Variants in ALKBH1 observed in about 807,000 individuals in gnomAD.
ALKBH1 encodes the protein nucleic acid dioxygenase ALKBH1.
A neutral mutation model predicts 36.6 loss-of-function variants in ALKBH1; 31 were observed. That is an observed-to-expected ratio of 0.85 (90% CI 0.64 to 1.14). ALKBH1 has a LOEUF of 1.14. Among genes scored for constraint, ALKBH1 ranks in the 50% most tolerant of loss-of-function variants. The pLI is 0.00. For missense variants in ALKBH1, 490 were observed against 497.3 expected, an observed-to-expected ratio of 0.99 and a Z score of 0.14; for synonymous variants, 183 against 186.6, an observed-to-expected ratio of 0.98 and a Z score of 0.16.
intron 1 of ALKBH1, among the ~76,000 whole-genome samples, chr14:77,704,817 T>C (rs1446047851): frequency 2.6e-5 from 4 of 152,226 alleles, no homozygotes; most frequent in African/African-American, 9.6e-5. Flanking sequence ...AGTCATTTAA[T>C]GTCTTAGAGC....
chr14:77,702,455 C>G (rs17106214), intron 2 of ALKBH1, among the ~76,000 whole-genome samples: 2,062 of 152,162 alleles, frequency 0.014, 58 homozygotes, highest in African/African-American at 0.047. Flanking sequence ...ACAAGTATTT[C>G]GGTGGTCATA....
chr14:77,703,701 G>A (rs1189761260), intron 2 of ALKBH1, among the ~76,000 whole-genome samples: 1 of 148,198 alleles, frequency 6.7e-6, no homozygotes, highest in African/African-American at 2.5e-5. Flanking sequence ...GGGTTCAAGC[G>A]ATTCTCCTGT....
intron 2 of ALKBH1, among the ~76,000 whole-genome samples, chr14:77,696,404 G>C (rs1394302713): frequency 6.6e-6 from 1 of 152,162 alleles, no homozygotes; most frequent in African/African-American, 2.4e-5. Context: ...TGGCCAGGCT[G>C]GTCTGTACTA....
At chr14:77,690,506 A>T (rs1001826317) in intron 3 of ALKBH1, among the ~76,000 whole-genome samples, 2 of 152,170 alleles carry the variant, frequency 1.3e-5, no homozygotes, top group Non-Finnish European at 2.9e-5. Flanking sequence ...TTGTGCTATG[A>T]AGGGAGGCTG....
intron 5 of ALKBH1, among the ~76,000 whole-genome samples, chr14:77,674,960 G>A (rs4622441): frequency 0.91 from 137,951 of 152,168 alleles, 62,981 homozygotes; most frequent in Non-Finnish European, 0.97. Context: ...TTCCCGAGAT[G>A]CAGGTGCAAA....
intron 3 of ALKBH1, among the ~76,000 whole-genome samples, chr14:77,680,326 T>C: frequency 6.6e-6 from 1 of 152,188 alleles, no homozygotes; most frequent in East Asian, 1.9e-4. Context: ...CAATCAAAAA[T>C]TTGACTTACA....
chr14:77,682,853 C>T (rs906326348), intron 3 of ALKBH1, among the ~76,000 whole-genome samples: 2 of 152,076 alleles, frequency 1.3e-5, no homozygotes, highest in African/African-American at 4.8e-5. Context: ...TGCACCACCA[C>T]GCCTGGCTAA....
chr14:77,681,621 A>C (rs546959303), intron 3 of ALKBH1, among the ~76,000 whole-genome samples: 2 of 152,224 alleles, frequency 1.3e-5, no homozygotes, highest in Non-Finnish European at 2.9e-5. Flanking sequence ...TGCAGAAGAG[A>C]CATAGCAGAC....
At chr14:77,698,133 A>G (rs548606892) in intron 2 of ALKBH1, among the ~76,000 whole-genome samples, 2 of 152,374 alleles carry the variant, frequency 1.3e-5, no homozygotes, top group East Asian at 1.9e-4. Flanking sequence ...GCTTAGGCAT[A>G]GTCACAGAAA....
At chr14:77,680,677 C>CTCTCTTTTTTTTTTTT (rs774703181) in intron 3 of ALKBH1, among the ~76,000 whole-genome samples, 1 of 124,348 alleles carries the variant, frequency 8.0e-6, no homozygotes, top group Non-Finnish European at 1.7e-5. Flanking sequence ...ATTAACTACT[C>CTCTCTTTTTTTTTTTT]TTTTTTTTTT....
Position 77,682,529 on chromosome 14 carries a change from G to C in ALKBH1, c.456-2559C>G, listed in dbSNP as rs560436827. Among the ~76,000 whole-genome samples, 33 of 152,158 alleles carry C rather than the reference G, an allele frequency of 2.2e-4. 1 individual carries two copies. The South Asian group carries it at 6.4e-3, about 30-fold the overall frequency. On this transcript the variant is annotated intron_variant, in intron 3 of 5. Coordinates refer to ENST00000216489, the MANE Select transcript of ALKBH1 (RefSeq NM_006020.3). Reference sequence around the variant, plus strand: ...TACAAGAAAATGCTGTTGAAGAAAAGGATGATGATGATGATCTTATGAATA... The same window carrying C: ...TACAAGAAAATGCTGTTGAAGAAAACGATGATGATGATGATCTTATGAATA...
intron 3 of ALKBH1, among the ~76,000 whole-genome samples, chr14:77,687,255 A>G (rs2080272936): frequency 6.6e-6 from 1 of 152,162 alleles, no homozygotes; most frequent in African/African-American, 2.4e-5. Flanking sequence ...AAGTGGTCCT[A>G]CTTCTTTCTT....
chr14:77,707,971 C>T lies in ALKBH1; in HGVS notation c.34G>A (p.Ala12Thr). The T allele has an allele frequency of 1.9e-6, 3 of 1,612,916 alleles. No individual in the cohort carries two copies. Among genetic ancestry groups the T allele is most frequent in the Non-Finnish European group, 2.5e-6 (3 of 1,179,576 alleles). ...GKMAAAVGSVATLATEPGEDA... is the reference protein window; with the variant it reads ...GKMAAAVGSVTTLATEPGEDA... ...TCCCCGGGCTCAGTCGCCAGAGTCG[C>T]CACAGAGCCCACGGCCGCTGCCATC... The change falls in exon 1 of 6, where the codon GCG (alanine) becomes ACG (threonine). Residue 12 changes from alanine (A) to threonine (T), a missense_variant. Physicochemically the swap from Ala to Thr is moderately conservative, Grantham distance 58. Transcript: ENST00000216489.
chr14:77,688,604 G>A (rs2080281212), intron 3 of ALKBH1, among the ~76,000 whole-genome samples: 1 of 147,250 alleles, frequency 6.8e-6, no homozygotes, highest in Non-Finnish European at 1.5e-5. Context: ...GCAGGCTGGA[G>A]TAGAGTGGTG....
rs754018189 is a variant in ALKBH1 at position 77,694,794 on chromosome 14, T to C, written c.399A>G (p.Lys133=). 1 of 1,609,462 alleles carries C rather than the reference T, an allele frequency of 6.2e-7. No homozygotes were observed. The highest frequency in any genetic ancestry group is 1.7e-5 in the Admixed American group (1 of 59,320). Residue 133 remains lysine, a synonymous_variant, in exon 3 of 6, where the codon AAA becomes AAG. Transcript: ENST00000216489. ...CTTGGGTCTCTTCTTTAGACATGTGTTTGTCCAGGTTACATACATTAGGTT... is the reference window on the plus strand; with the variant it reads ...CTTGGGTCTCTTCTTTAGACATGTGCTTGTCCAGGTTACATACATTAGGTT... ...SQKPNVCNLD[K]HMSKEETQDL...
intron 1 of ALKBH1, among the ~76,000 whole-genome samples, chr14:77,705,061 TGTA>T (rs2080380725): frequency 6.6e-6 from 1 of 152,116 alleles, no homozygotes; most frequent in Non-Finnish European, 1.5e-5. Flanking sequence ...TTGAGACACT[TGTA>T]TAGAGTTGGT....
rs1400867974 is a variant in ALKBH1, at chr14:77,673,705, GTC to G, written c.*105_*106del. 9.5e-6 allele frequency: 11 copies of G among 1,161,282 alleles called. No individual in the cohort carries two copies. The highest frequency in any genetic ancestry group is 1.5e-5 in the African/African-American group (1 of 64,936). The allele number at this position is 1,161,282 out of a possible 1,614,324, so 71.9% of individuals were successfully genotyped here. A position where few individuals can be genotyped will look rare whatever the true frequency, so the allele number is the denominator to read the frequency against. Reference sequence around the variant, plus strand: ...TGTGATCAACAATGAGTTCTTCCCTGTCTCTGTTTTTGGCTTGTCTGGGTGCT... The same window carrying G: ...TGTGATCAACAATGAGTTCTTCCCTGTCTGTTTTTGGCTTGTCTGGGTGCT... On this transcript the variant is annotated 3_prime_UTR_variant, in exon 6 of 6. Transcript: ENST00000216489.
At chr14:77,694,563 C>G (rs1023044543) in intron 3 of ALKBH1, among the ~76,000 whole-genome samples, 175 bp downstream of exon 3, 5 of 152,148 alleles carry the variant, frequency 3.3e-5, no homozygotes, top group African/African-American at 1.2e-4. Flanking sequence ...GTCAAAGCAT[C>G]TGTCCAAATG....
chr14:77,695,756 T>C (rs946823768), intron 2 of ALKBH1, among the ~76,000 whole-genome samples: 2 of 152,214 alleles, frequency 1.3e-5, no homozygotes, highest in African/African-American at 2.4e-5. Flanking sequence ...GTGTTAAAGA[T>C]CTTTGTGACC....
Sources: gnomAD v4.1 joint callset for allele counts (sites outside exome capture counted in the v4.1 genomes callset) on GRCh38, gnomAD v4.1.1 for gene constraint, MANE v1.5 for transcripts, NCBI Gene and HGNC (gene_info 2026-07-23, HGNC 2026-07-21) for gene names.